Variants in ERICH6B observed in about 807,000 individuals in gnomAD.
ERICH6B encodes glutamate rich 6B.
In ERICH6B, 69 loss-of-function variants were observed where a neutral mutation model predicts 80.0. That is an observed-to-expected ratio of 0.86 (90% CI 0.71 to 1.05). ERICH6B has a LOEUF of 1.05. Ranked by LOEUF, ERICH6B falls within the 50% of genes least tolerant of loss-of-function variation. The pLI is 0.00. For synonymous variants in ERICH6B, 283 were observed against 291.9 expected (o/e 0.97, Z 0.31); for missense variants, 754 against 796.1 (o/e 0.95, Z 0.64).
At chr13:45,608,359 AG>A (rs1282983007) in intron 1 of ERICH6B, among the ~76,000 whole-genome samples, 2 of 152,182 alleles carry the variant, frequency 1.3e-5, no homozygotes, top group African/African-American at 4.8e-5. Flanking sequence ...CAGACACCAG[AG>A]GAATCTGGGA....
rs560403997 is a variant in ERICH6B at position 45,548,648 on chromosome 13, G to C, written c.1646+1245C>G. On this transcript the variant is annotated intron_variant, in intron 13 of 14. Transcript: ENST00000298738. The stretch of plus-strand genomic sequence containing the variant: ...CTCAGGTGCAGAGGGGCCGGGACAT[G>C]CTGATAGGACTGAGAGGGGGAGCTC... Among the ~76,000 whole-genome samples, 9 of 152,294 alleles carry C rather than the reference G, an allele frequency of 5.9e-5. No homozygotes were observed. In the South Asian group the frequency reaches 1.9e-3, roughly 32 times the overall value.
intron 11 of ERICH6B, among the ~76,000 whole-genome samples, chr13:45,558,369 G>A (rs750996061): frequency 6.6e-5 from 10 of 152,056 alleles, no homozygotes; most frequent in South Asian, 2.1e-4. Flanking sequence ...GCATACAATC[G>A]TATCATCAGC....
At chr13:45,605,728 G>A (rs1412501163) in intron 2 of ERICH6B, among the ~76,000 whole-genome samples, 1 of 152,220 alleles carries the variant, frequency 6.6e-6, no homozygotes, top group Non-Finnish European at 1.5e-5. Context: ...TCTTTCACAA[G>A]CTCTGGTTAA....
rs1376994323 is a variant in ERICH6B at position 45,596,415 on chromosome 13, T to C, written c.591A>G (p.Glu197=). 1 of 1,551,862 alleles carries C rather than the reference T, an allele frequency of 6.4e-7. No individual in the cohort carries two copies. The highest frequency in any genetic ancestry group is 2.0e-5 in the Admixed American group (1 of 50,928). The change falls in exon 3 of 15, where the codon GAA becomes GAG. Residue 197 remains glutamate, a synonymous_variant. Transcript: ENST00000298738. ...NLEEEEALEK[E]ENLDGKENLY... is the part of the protein sequence containing the mutation. ...GATTTTCTTTTCCATCCAGATTCTC[T>C]TCCTTCTCCAGAGCTTCTTCCTCCT... is the stretch of plus-strand genomic sequence containing the variant.
chr13:45,582,903 A>G (rs1178940341), intron 5 of ERICH6B, among the ~76,000 whole-genome samples: 3 of 152,182 alleles, frequency 2.0e-5, no homozygotes, highest in African/African-American at 7.2e-5. Context: ...ATTGGCTTCT[A>G]TTGATCTTAG....
At chr13:45,604,799 A>C (rs2138033228) in intron 2 of ERICH6B, among the ~76,000 whole-genome samples, 2 of 152,162 alleles carry the variant, frequency 1.3e-5, no homozygotes, top group South Asian at 4.2e-4. Flanking sequence ...GGTGGTGTGC[A>C]CCTGTGATCC....
At chr13:45,570,305 TA>T (rs1421247777) in intron 8 of ERICH6B, among the ~76,000 whole-genome samples, 1 of 152,042 alleles carries the variant, frequency 6.6e-6, no homozygotes, top group Admixed American at 6.5e-5. Context: ...ATCACTGAAA[TA>T]AAAAATGAAG....
chr13:45,544,396 T>A (rs1228442464), intron 14 of ERICH6B, among the ~76,000 whole-genome samples: 1 of 152,126 alleles, frequency 6.6e-6, no homozygotes, highest in Non-Finnish European at 1.5e-5. Context: ...AATTTTAAAT[T>A]TTTTTTGTGG....
intron 1 of ERICH6B, among the ~76,000 whole-genome samples, chr13:45,612,649 C>T (rs959725888): frequency 1.3e-5 from 2 of 152,192 alleles, no homozygotes; most frequent in Admixed American, 6.5e-5. Flanking sequence ...TTTCTCCTCC[C>T]TCCTACCTGC....
At chr13:45,593,856 T>A (rs1421393797) in intron 3 of ERICH6B, among the ~76,000 whole-genome samples, 1 of 152,226 alleles carries the variant, frequency 6.6e-6, no homozygotes, top group African/African-American at 2.4e-5. Flanking sequence ...TAACCTCAAG[T>A]AGTTAATGCA....
At chr13:45,570,789 C>T (rs972252531) in intron 8 of ERICH6B, among the ~76,000 whole-genome samples, 5 of 151,742 alleles carry the variant, frequency 3.3e-5, no homozygotes, top group African/African-American at 1.2e-4. Flanking sequence ...ATGGCATTCG[C>T]TCCATTGCAG....
At chr13:45,570,926 T>C (rs1411951198) in intron 8 of ERICH6B, among the ~76,000 whole-genome samples, 1 of 151,354 alleles carries the variant, frequency 6.6e-6, no homozygotes, top group African/African-American at 2.4e-5. Flanking sequence ...TGGCATTCAC[T>C]CCACTGCAGC....
chr13:45,575,828 G>C (rs1875377842), intron 7 of ERICH6B, among the ~76,000 whole-genome samples: 1 of 152,152 alleles, frequency 6.6e-6, no homozygotes, highest in Non-Finnish European at 1.5e-5. Context: ...GAATTGATCA[G>C]TACAGCTTGA....
intron 4 of ERICH6B, among the ~76,000 whole-genome samples, chr13:45,588,549 G>A (rs968383707): frequency 6.6e-6 from 1 of 152,184 alleles, no homozygotes; most frequent in Admixed American, 6.5e-5. Flanking sequence ...TCCTTCTAGC[G>A]AGATGATGAC....
At chr13:45,606,548 T>TATATATA (rs1491429768) in intron 2 of ERICH6B, among the ~76,000 whole-genome samples, 2 of 9,280 alleles carry the variant, frequency 2.2e-4, no homozygotes, top group East Asian at 4.6e-3. Flanking sequence ...TATATATATA[T>TATATATA]TTTTTTTTTT....
chr13:45,558,882 T>C (rs1453093884), intron 11 of ERICH6B, among the ~76,000 whole-genome samples: 2 of 152,152 alleles, frequency 1.3e-5, no homozygotes, highest in Non-Finnish European at 2.9e-5. Flanking sequence ...GGGATATTGG[T>C]GTGTAGTTTT....
At chr13:45,606,927 A>T (rs373292987) in intron 2 of ERICH6B, among the ~76,000 whole-genome samples, 2 of 152,090 alleles carry the variant, frequency 1.3e-5, no homozygotes, top group African/African-American at 4.8e-5. Flanking sequence ...ATTGACCTAG[A>T]AGATCCGTAG....
Position 45,607,572 on chromosome 13 carries a change from G to A in ERICH6B, c.-67C>T, listed in dbSNP as rs896296845. On this transcript the variant is annotated 5_prime_UTR_variant, in exon 2 of 15. Transcript: ENST00000298738. ...CCTGGCTGAGTACTTACAATGTCAG[G>A]GGGTAAACTGAGTCCAAGCCAAGAG... 6.6e-6 allele frequency: 1 copy of A among 152,372 alleles called. No individual in the cohort carries two copies. Among genetic ancestry groups the A allele is most frequent in the African/African-American group, 2.4e-5 (1 of 41,426 alleles). 9.4% of individuals were successfully genotyped at this position (152,372 alleles called of 1,614,324 possible).
At chr13:45,580,560 T>G (rs1402799029) in intron 6 of ERICH6B, 43 bp downstream of exon 6, 1 of 1,543,192 alleles carries the variant, frequency 6.5e-7, no homozygotes, top group Non-Finnish European at 8.8e-7. Context: ...CTGGGATGGA[T>G]GACTAACTTC....
Sources: gnomAD v4.1 joint callset for allele counts (sites outside exome capture counted in the v4.1 genomes callset) on GRCh38, gnomAD v4.1.1 for gene constraint, MANE v1.5 for transcripts, NCBI Gene and HGNC (gene_info 2026-07-23, HGNC 2026-07-21) for gene names.